The following ABHD17B variants were observed in gnomAD, a reference collection of about 807,000 sequenced individuals.
The protein encoded by ABHD17B is alpha/beta hydrolase domain-containing protein 17B.
Under a neutral mutation model 26.2 loss-of-function variants are expected in ABHD17B, and 9 were observed. The observed-to-expected ratio is 0.34, with a 90% CI of 0.21 to 0.60. The LOEUF (loss-of-function observed/expected upper bound fraction) is 0.60. Among genes scored for constraint, ABHD17B ranks in the 20% least tolerant of loss-of-function variants. ABHD17B has a pLI of 0.80. For synonymous variants in ABHD17B, 127 were observed against 122.3 expected (o/e 1.04, Z -0.25); for missense variants, 224 against 352.1 (o/e 0.64, Z 2.91).
chr9:71,909,489 A>G (rs1433635881), intron 1 of ABHD17B, among the ~76,000 whole-genome samples: 1 of 152,236 alleles, frequency 6.6e-6, no homozygotes, highest in African/African-American at 2.4e-5. Context: ...ACATATGTAG[A>G]GAAACTCTTT....
chr9:71,907,808 C>G (rs1300442508), intron 1 of ABHD17B, among the ~76,000 whole-genome samples: 1 of 152,198 alleles, frequency 6.6e-6, no homozygotes, highest in Non-Finnish European at 1.5e-5. Flanking sequence ...AGCCACCGAG[C>G]CTGGCCGGAC....
At chr9:71,889,955 A>G (rs1231729549) in intron 1 of ABHD17B, among the ~76,000 whole-genome samples, 1 of 152,040 alleles carries the variant, frequency 6.6e-6, no homozygotes, top group African/African-American at 2.4e-5. Context: ...ATCACAGTGT[A>G]GCCTCATTAT....
chr9:71,874,106 T>C (rs1434877376), intron 2 of ABHD17B, among the ~76,000 whole-genome samples: 2 of 152,218 alleles, frequency 1.3e-5, no homozygotes, highest in Non-Finnish European at 2.9e-5. Context: ...GTTGCAGCTT[T>C]GAATAAACAT....
intron 2 of ABHD17B, among the ~76,000 whole-genome samples, chr9:71,871,477 G>C (rs1418008875): frequency 6.6e-6 from 1 of 152,132 alleles, no homozygotes; most frequent in Non-Finnish European, 1.5e-5. Flanking sequence ...TATTTCATAC[G>C]AATGAAGAAA....
chr9:71,903,297 G>C (rs1827195853), intron 1 of ABHD17B, among the ~76,000 whole-genome samples: 1 of 151,586 alleles, frequency 6.6e-6, no homozygotes, highest in Non-Finnish European at 1.5e-5. Flanking sequence ...CTTCTCATGA[G>C]GAAAAAACTG....
At chr9:71,864,867 T>C (rs1825911755), downstream of ABHD17B, among the ~76,000 whole-genome samples, 1 of 152,176 alleles carries the variant, frequency 6.6e-6, no homozygotes, top group African/African-American at 2.4e-5. Flanking sequence ...ATTTATACAT[T>C]CAGTAACTGT....
intron 1 of ABHD17B, among the ~76,000 whole-genome samples, chr9:71,900,915 C>T (rs1282964943): frequency 6.6e-6 from 1 of 151,838 alleles, no homozygotes; most frequent in Non-Finnish European, 1.5e-5. Flanking sequence ...TTTGGGAGGC[C>T]GAGGTGGGTG....
At chr9:71,896,324 T>TA (rs1826952997) in intron 1 of ABHD17B, among the ~76,000 whole-genome samples, 1 of 152,196 alleles carries the variant, frequency 6.6e-6, no homozygotes, top group African/African-American at 2.4e-5. Flanking sequence ...TAGAATTGCA[T>TA]AAAATTGCAG....
intron 1 of ABHD17B, among the ~76,000 whole-genome samples, chr9:71,890,849 T>A (rs770285407): frequency 1.8e-4 from 27 of 152,178 alleles, no homozygotes; most frequent in Non-Finnish European, 3.1e-4. Flanking sequence ...CTTAAAGACA[T>A]GTTTAGACCC....
At chr9:71,897,027 T>C (rs1035928092) in intron 1 of ABHD17B, among the ~76,000 whole-genome samples, 6 of 152,194 alleles carry the variant, frequency 3.9e-5, no homozygotes, top group African/African-American at 1.4e-4. Context: ...GGTCTCTCAT[T>C]GGAGACACAT....
chr9:71,867,816 T>C (rs768496565), intron 3 of ABHD17B, among the ~76,000 whole-genome samples: 2 of 152,066 alleles, frequency 1.3e-5, no homozygotes, highest in Admixed American at 1.3e-4. Context: ...AATGGAAACA[T>C]ATACATTTAC....
chr9:71,864,213 CTTTTT>C (rs762446648), downstream of ABHD17B, among the ~76,000 whole-genome samples: 67 of 80,398 alleles, frequency 8.3e-4, no homozygotes, highest in East Asian at 4.7e-3. Flanking sequence ...GCCAAACTTT[CTTTTT>C]TTTTTTTTTT....
chr9:71,898,247 T>C (rs1222574575), intron 1 of ABHD17B, among the ~76,000 whole-genome samples: 2 of 151,998 alleles, frequency 1.3e-5, no homozygotes, highest in Non-Finnish European at 2.9e-5. Flanking sequence ...AGATATGACT[T>C]CCCAAAACGG....
At chr9:71,879,654 A>C (rs1308539844) in intron 1 of ABHD17B, among the ~76,000 whole-genome samples, 1 of 152,210 alleles carries the variant, frequency 6.6e-6, no homozygotes, top group Non-Finnish European at 1.5e-5. Flanking sequence ...ACAAAGAACA[A>C]AAAGCAATGG....
chr9:71,863,106 A>G (rs1005916413), downstream of ABHD17B, among the ~76,000 whole-genome samples: 11 of 152,178 alleles, frequency 7.2e-5, no homozygotes, highest in African/African-American at 2.7e-4. Context: ...CTAGTTCATG[A>G]AAGTTCTTCT....
chr9:71,908,443 C>T (rs1469655364), intron 1 of ABHD17B, among the ~76,000 whole-genome samples: 1 of 148,488 alleles, frequency 6.7e-6, no homozygotes, highest in Non-Finnish European at 1.5e-5. Flanking sequence ...CTCTCTCCAA[C>T]TCACAAGGCT....
intron 1 of ABHD17B, among the ~76,000 whole-genome samples, chr9:71,891,082 TA>T (rs1364620640): frequency 6.6e-6 from 1 of 152,208 alleles, no homozygotes; most frequent in African/African-American, 2.4e-5. Context: ...CACTGTTATG[TA>T]TACTTCCACA....
At chr9:71,890,700 G>A (rs111988412) in intron 1 of ABHD17B, among the ~76,000 whole-genome samples, 2,051 of 152,212 alleles carry the variant, frequency 0.013, 33 homozygotes, top group African/African-American at 0.035. Flanking sequence ...ACACCTCACT[G>A]TTCAAAAATA....
At chr9:71,902,753 A>G (rs909630280) in intron 1 of ABHD17B, among the ~76,000 whole-genome samples, 2 of 152,202 alleles carry the variant, frequency 1.3e-5, no homozygotes, top group African/African-American at 4.8e-5. Context: ...TCAGCACACT[A>G]AGCAGGACAG....
Sources: gnomAD v4.1 joint callset for allele counts (sites outside exome capture counted in the v4.1 genomes callset) on GRCh38, gnomAD v4.1.1 for gene constraint, MANE v1.5 for transcripts, NCBI Gene and HGNC (gene_info 2026-07-23, HGNC 2026-07-21) for gene names.